Variants in CCAR1 observed in about 807,000 individuals in gnomAD.
The protein encoded by CCAR1 is cell division cycle and apoptosis regulator 1, also known as cell division cycle and apoptosis regulator protein 1.
CCAR1 carries 78 observed loss-of-function variants against 163.8 expected under a neutral mutation model. The observed-to-expected ratio is 0.48, with a 90% confidence interval of 0.40 to 0.57. The LOEUF (loss-of-function observed/expected upper bound fraction) is 0.57. Among genes scored for constraint, CCAR1 ranks in the 20% least tolerant of loss-of-function variants. The pLI is 0.00. For missense variants in CCAR1, 1,019 were observed against 1,365.2 expected, an observed-to-expected ratio of 0.75 and a Z score of 4.00; for synonymous variants, 443 against 460.7, an observed-to-expected ratio of 0.96 and a Z score of 0.49.
At chr10:68,781,195 T>C (rs2056731085) in intron 19 of CCAR1, among the ~76,000 whole-genome samples, 1 of 150,506 alleles carries the variant, frequency 6.6e-6, no homozygotes, top group Admixed American at 6.7e-5. Context: ...ATCACGCCAC[T>C]GCACTCCAGC....
intron 6 of CCAR1, among the ~76,000 whole-genome samples, chr10:68,746,647 A>T (rs902498743): frequency 6.6e-6 from 1 of 151,920 alleles, no homozygotes; most frequent in Non-Finnish European, 1.5e-5. Context: ...GCACCATCTC[A>T]GCTCACTGGA....
At position 68,747,278 on chromosome 10, in the gene CCAR1, A is replaced by G. The variant is rs551781208; in HGVS notation, c.633+3A>G. 3 of 1,595,064 alleles carry G rather than the reference A, an allele frequency of 1.9e-6. No individual in the cohort carries two copies. The highest frequency in any genetic ancestry group is 2.7e-5 in the African/African-American group (2 of 74,376). On this transcript the variant is annotated splice_donor_region_variant and intron_variant, in intron 7 of 24. Transcript: ENST00000265872. ...GAATTCAAACACTACCAAATCAGGT[A>G]CAGAAAGTATTGAGTTAGGTATTAT...
chr10:68,757,364 C>T lies in CCAR1; in HGVS notation c.1907C>T (p.Pro636Leu). Reference protein sequence around the residue: ...STPTHWSKLDPKTMKVNDLRK... With the variant: ...STPTHWSKLDLKTMKVNDLRK... ...CCTACCCATTGGTCTAAACTTGATC[C>T]AAAGACAATGAAGGTAACTTTGATA... Residue 636 changes from proline to leucine, a missense_variant, in exon 15 of 25, where the codon CCA (proline) becomes CTA (leucine). Coordinates refer to ENST00000265872, the MANE Select transcript of CCAR1 (RefSeq NM_018237.4). The T allele has an allele frequency of 6.4e-7, 1 of 1,553,942 alleles. No individual in the cohort carries two copies. The highest frequency in any genetic ancestry group is 1.4e-5 in the African/African-American group (1 of 73,508).
chr10:68,751,423 G>A (rs1028196445), intron 10 of CCAR1, among the ~76,000 whole-genome samples: 10 of 152,084 alleles, frequency 6.6e-5, no homozygotes, highest in African/African-American at 2.4e-4. Flanking sequence ...GAAACCAGTC[G>A]AAACCAAAAC....
chr10:68,723,060 A>G (rs1055980943), intron 2 of CCAR1, among the ~76,000 whole-genome samples: 3 of 152,018 alleles, frequency 2.0e-5, no homozygotes, highest in African/African-American at 7.2e-5. Flanking sequence ...GCTGTTTTAC[A>G]TAGTAGTTTG....
Position 68,747,633 on chromosome 10 carries a change from A to C in CCAR1, c.826+67A>C, listed in dbSNP as rs1358254762. 7 of 1,409,764 alleles carry C rather than the reference A, an allele frequency of 5.0e-6. 1 individual carries two copies. Among genetic ancestry groups the C allele is most frequent in the Non-Finnish European group, 6.8e-6 (7 of 1,026,608 alleles). The allele number at this position is 1,409,764 out of a possible 1,614,324, so 87.3% of individuals were successfully genotyped here. ...TTGTTGATAATGTAACTATGCTTTT[A>C]ATTACAAAAAAAGGCAGGGATTTCA... On this transcript the variant is annotated intron_variant, in intron 8 of 24. Transcript: ENST00000265872.
At chr10:68,761,881 C>T (rs754394672) in intron 16 of CCAR1, among the ~76,000 whole-genome samples, 2 of 152,068 alleles carry the variant, frequency 1.3e-5, no homozygotes, top group African/African-American at 2.4e-5. Context: ...AGGTTACAGG[C>T]GTGAGCCACT....
chr10:68,726,119 A>C lies in CCAR1; in HGVS notation c.73+3542A>C, dbSNP rs1413989219. ...ACAGAGTGAGACCCTGTCCTAAAAA[A>C]AAAAAAAAAAAAAAGAAATGGGTAC... On this transcript the variant is annotated intron_variant, in intron 2 of 24. Transcript: ENST00000265872. Among the ~76,000 whole-genome samples, 10 of 148,590 alleles carry C rather than the reference A, an allele frequency of 6.7e-5. No homozygotes were observed. In the South Asian group the frequency reaches 1.1e-3, roughly 16 times the overall value.
At chr10:68,774,504 G>A (rs146258516) in intron 19 of CCAR1, among the ~76,000 whole-genome samples, 38 of 151,892 alleles carry the variant, frequency 2.5e-4, no homozygotes, top group Non-Finnish European at 5.0e-4. Flanking sequence ...CCGGGCACGC[G>A]CCTGTAATAC....
chr10:68,745,369 A>G (rs2056239522), intron 6 of CCAR1, among the ~76,000 whole-genome samples: 1 of 151,722 alleles, frequency 6.6e-6, no homozygotes, highest in Non-Finnish European at 1.5e-5. Context: ...AAGTGCAGTC[A>G]TAGCTCACTG....
chr10:68,775,223 C>G (rs1027547796), intron 19 of CCAR1, among the ~76,000 whole-genome samples: 5 of 152,122 alleles, frequency 3.3e-5, no homozygotes, highest in Non-Finnish European at 5.9e-5. Flanking sequence ...ATTCCATAAT[C>G]ACACCTAAGA....
chr10:68,779,157 T>A (rs987823519), intron 19 of CCAR1, among the ~76,000 whole-genome samples: 2 of 151,300 alleles, frequency 1.3e-5, no homozygotes, highest in African/African-American at 2.4e-5. Flanking sequence ...CTACACTTCT[T>A]AGAATACAAA....
chr10:68,789,832 A>G lies in CCAR1; in HGVS notation c.3310A>G (p.Asn1104Asp). 6.2e-7 allele frequency: 1 copy of G among 1,608,076 alleles called. No individual in the cohort carries two copies. Among genetic ancestry groups the G allele is most frequent in the Non-Finnish European group, 8.5e-7 (1 of 1,177,612 alleles). The change falls in exon 24 of 25, where the codon AAT (asparagine) becomes GAT (aspartate). Residue 1104 changes from asparagine (N) to aspartate (D), a missense_variant. Asn to Asp is a conservative substitution (Grantham distance 23). Around this residue, in one of 4 missense-constraint regions of CCAR1, gnomAD observed 358 missense variants for 406.4 expected, o/e 0.88. Coordinates refer to ENST00000265872, the MANE Select transcript of CCAR1 (RefSeq NM_018237.4). ...AAACTTAAAGATTTCGGAAAACATG[A>G]ATTTACAATTTGAAAACCAAATGAA... ...QENLKISENM[N>D]LQFENQMNKT...
At chr10:68,770,623 A>G (rs187611400) in intron 17 of CCAR1, among the ~76,000 whole-genome samples, 1 of 152,180 alleles carries the variant, frequency 6.6e-6, no homozygotes, top group Non-Finnish European at 1.5e-5. Context: ...CAAGCCTGTA[A>G]TCTCAGCCAC....
chr10:68,781,224 C>G (rs1281242830), intron 19 of CCAR1, among the ~76,000 whole-genome samples: 1 of 150,538 alleles, frequency 6.6e-6, no homozygotes. Flanking sequence ...CAGAGTGAGA[C>G]TCTGTCTCCA....
At chr10:68,725,646 T>C (rs1012020212) in intron 2 of CCAR1, among the ~76,000 whole-genome samples, 1 of 152,194 alleles carries the variant, frequency 6.6e-6, no homozygotes, top group Non-Finnish European at 1.5e-5. Context: ...AGATTTTGAT[T>C]GTCTTTTAAT....
intron 6 of CCAR1, 143 bp from the exon 7 acceptor site, chr10:68,747,018 G>A (rs1342186989): frequency 2.6e-5 from 14 of 528,768 alleles, no homozygotes; most frequent in Non-Finnish European, 3.6e-5. Flanking sequence ...AGCTTTCCAG[G>A]CTTCCATTTC....
At chr10:68,778,237 C>T (rs1224052155) in intron 19 of CCAR1, among the ~76,000 whole-genome samples, 1 of 151,990 alleles carries the variant, frequency 6.6e-6, no homozygotes, top group Non-Finnish European at 1.5e-5. Context: ...AAAGAAAAAG[C>T]TAGTGCTCAC....
At chr10:68,765,826 T>G (rs1198047518) in intron 16 of CCAR1, 62 bp from the exon 17 acceptor site, 4 of 1,111,728 alleles carry the variant, frequency 3.6e-6, no homozygotes, top group Non-Finnish European at 3.9e-6. Context: ...TATATTCATC[T>G]TGCACATGTA....
Sources: gnomAD v4.1 joint callset for allele counts (sites outside exome capture counted in the v4.1 genomes callset) on GRCh38, gnomAD v4.1.1 for gene constraint, gnomAD v4.1.1 regional missense constraint, MANE v1.5 for transcripts, NCBI Gene and HGNC (gene_info 2026-07-23, HGNC 2026-07-21) for gene names.